The following THADA variants were observed in gnomAD, a reference collection of about 807,000 sequenced individuals.
The protein encoded by THADA is THADA armadillo repeat containing.
In THADA, 213 loss-of-function variants were observed where a neutral mutation model predicts 219.8. The ratio of observed to expected loss-of-function variants is 0.97; its 90% CI spans 0.87 to 1.09. The LOEUF (loss-of-function observed/expected upper bound fraction) is 1.09. Among genes scored for constraint, THADA ranks in the 50% least tolerant of loss-of-function variants. THADA has a pLI of 0.00. For missense variants in THADA, 2,956 were observed against 2,311.3 expected (o/e 1.28, Z -5.72); for synonymous variants, 1,018 against 828.9 (o/e 1.23, Z -3.92).
intron 36 of THADA, among the ~76,000 whole-genome samples, chr2:43,237,371 A>C (rs978673024): frequency 7.3e-5 from 11 of 151,040 alleles, no homozygotes; most frequent in Non-Finnish European, 7.4e-5. Flanking sequence ...CCTAAATGTA[A>C]GAGCAAAAAC....
chr2:43,545,221 A>C (rs1376110723), intron 20 of THADA, among the ~76,000 whole-genome samples: 3 of 151,558 alleles, frequency 2.0e-5, no homozygotes, highest in South Asian at 2.1e-4. Flanking sequence ...CCAGGGATGA[A>C]GCCCACTTGA....
intron 4 of THADA, among the ~76,000 whole-genome samples, chr2:43,589,753 G>T (rs576194792): frequency 6.6e-6 from 1 of 152,028 alleles, no homozygotes; most frequent in Non-Finnish European, 1.5e-5. Flanking sequence ...CTCAGGTGAT[G>T]TGTGCACCAA....
At chr2:43,543,585 T>C (rs1037138996) in intron 20 of THADA, among the ~76,000 whole-genome samples, 11 of 152,086 alleles carry the variant, frequency 7.2e-5, no homozygotes, top group Non-Finnish European at 1.5e-4. Context: ...TGTGAGATGG[T>C]ATCTCATTGT....
chr2:43,334,930 T>G (rs906357664), intron 30 of THADA, among the ~76,000 whole-genome samples: 1 of 152,050 alleles, frequency 6.6e-6, no homozygotes, highest in Admixed American at 6.5e-5. Context: ...AGGGAGAGAA[T>G]CTTGGGCTGA....
chr2:43,345,830 G>A (rs983519884), intron 29 of THADA, among the ~76,000 whole-genome samples: 17 of 152,312 alleles, frequency 1.1e-4, no homozygotes, highest in Non-Finnish European at 2.1e-4. Flanking sequence ...AAACCTGTGA[G>A]ATTTTCAAAT....
Position 43,395,784 on chromosome 2 carries a change from C to T in THADA, c.4227+2187G>A, listed in dbSNP as rs150268283. On this transcript the variant is annotated intron_variant, in intron 29 of 37. Transcript: ENST00000405975. ...TTTTCTTTTTTGAGACAGAGTCTCA[C>T]TCTGCTGCCCAGGCTGGAGGGCAGT... Among the ~76,000 whole-genome samples, 708 of 152,324 alleles carry T rather than the reference C, an allele frequency of 4.6e-3. 2 individuals carry two copies. Among genetic ancestry groups the T allele is most frequent in the Non-Finnish European group, 7.3e-3 (495 of 68,030 alleles).
At chr2:43,366,121 C>A (rs557927126) in intron 29 of THADA, among the ~76,000 whole-genome samples, 1 of 152,180 alleles carries the variant, frequency 6.6e-6, no homozygotes. Flanking sequence ...CACTGCAGGG[C>A]AGGTGCTTAT....
chr2:43,549,136 A>T (rs1266285265), intron 20 of THADA, 74 bp downstream of exon 20: 7 of 1,265,758 alleles, frequency 5.5e-6, no homozygotes, highest in Non-Finnish European at 7.4e-6. Context: ...CTAATTTACC[A>T]TATAAAAAGG....
intron 16 of THADA, among the ~76,000 whole-genome samples, chr2:43,558,806 T>C (rs1437360613): frequency 1.3e-5 from 2 of 152,174 alleles, no homozygotes; most frequent in African/African-American, 4.8e-5. Context: ...AATACAAATA[T>C]ATAATTAATA....
chr2:43,348,783 G>T (rs1667929935), intron 29 of THADA, among the ~76,000 whole-genome samples: 1 of 152,244 alleles, frequency 6.6e-6, no homozygotes, highest in African/African-American at 2.4e-5. Context: ...TGAGGGAGGG[G>T]AATTAATGAG....
At chr2:43,242,840 C>CATGGATGG (rs200333539) in intron 36 of THADA, among the ~76,000 whole-genome samples, 1 of 152,132 alleles carries the variant, frequency 6.6e-6, no homozygotes, top group African/African-American at 2.4e-5. Flanking sequence ...GTACTGAATA[C>CATGGATGG]ATGGATGGAT....
intron 29 of THADA, among the ~76,000 whole-genome samples, chr2:43,373,630 T>C (rs1671049997): frequency 6.6e-6 from 1 of 151,986 alleles, no homozygotes. Flanking sequence ...GTGCACACCA[T>C]CAGGCCTGGC....
intron 26 of THADA, among the ~76,000 whole-genome samples, chr2:43,441,335 G>A (rs923241671): frequency 6.6e-6 from 1 of 152,118 alleles, no homozygotes; most frequent in Non-Finnish European, 1.5e-5. Flanking sequence ...CAAAAGAGCT[G>A]AGCTCCATGT....
At chr2:43,496,085 A>G (rs988198972) in intron 25 of THADA, among the ~76,000 whole-genome samples, 1 of 152,200 alleles carries the variant, frequency 6.6e-6, no homozygotes, top group African/African-American at 2.4e-5. Context: ...CATACAGGTA[A>G]GAAATGGTTT....
chr2:43,571,823 G>A lies in THADA; in HGVS notation c.1948C>T (p.Arg650Trp), dbSNP rs201567258. ...DTLGLLCESN[R>W]STEIVSMEEM... is the part of the protein sequence containing the mutation. ...TCCATGGAAACAATTTCTGTGCTCCGATTACTTTCACAAAGCAAGCCTAAT... is the reference window on the plus strand; with the variant it reads ...TCCATGGAAACAATTTCTGTGCTCCAATTACTTTCACAAAGCAAGCCTAAT... Residue 650 changes from arginine (R) to tryptophan (W), a missense_variant, in exon 13 of 38, where the codon CGG becomes TGG. Transcript: ENST00000405975. The A allele has an allele frequency of 2.4e-5, 39 of 1,613,648 alleles. No individual in the cohort carries two copies. The highest frequency in any genetic ancestry group is 1.3e-4 in the African/African-American group (10 of 74,870).
At chr2:43,528,732 C>T (rs775092225) in intron 21 of THADA, among the ~76,000 whole-genome samples, 2 of 152,132 alleles carry the variant, frequency 1.3e-5, no homozygotes, top group Non-Finnish European at 2.9e-5. Flanking sequence ...TCACACAAAG[C>T]GACAACACTC....
chr2:43,514,349 G>A (rs1690892303), intron 22 of THADA, among the ~76,000 whole-genome samples: 1 of 150,232 alleles, frequency 6.7e-6, no homozygotes, highest in East Asian at 1.9e-4. Flanking sequence ...TACTTGGGAG[G>A]CTGAGGTGGG....
chr2:43,305,337 C>G (rs1676734706), intron 31 of THADA, among the ~76,000 whole-genome samples: 1 of 152,138 alleles, frequency 6.6e-6, no homozygotes, highest in East Asian at 1.9e-4. Context: ...AGGGGCCCCT[C>G]CAGTTACAAA....
intron 22 of THADA, among the ~76,000 whole-genome samples, chr2:43,514,280 T>C (rs1690879224): frequency 6.7e-6 from 1 of 149,244 alleles, no homozygotes; most frequent in Non-Finnish European, 1.5e-5. Context: ...TGAAACACTA[T>C]CTCTACAAAA....
Sources: allele counts gnomAD v4.1 joint callset (sites outside exome capture counted in the v4.1 genomes callset), GRCh38; gene constraint gnomAD v4.1.1; transcripts MANE v1.5; gene names NCBI Gene and HGNC (gene_info 2026-07-23, HGNC 2026-07-21).